ARSG: variants seen among roughly 807,000 people sequenced by gnomAD.
The protein encoded by ARSG is ASG.
In ARSG, 37 loss-of-function variants were observed where a neutral mutation model predicts 50.5. That is an observed-to-expected ratio of 0.73 (90% CI 0.56 to 0.96). The LOEUF (loss-of-function observed/expected upper bound fraction) is 0.96, where lower values mean the gene tolerates loss of function less well. ARSG is among the 50% of genes least tolerant of loss of function. The pLI, the probability that ARSG is intolerant of heterozygous loss-of-function variation, is 0.00. For synonymous variants in ARSG, 225 were observed against 254.6 expected, an observed-to-expected ratio of 0.88 and a Z score of 1.11; for missense variants, 629 against 675.3, an observed-to-expected ratio of 0.93 and a Z score of 0.76.
chr17:68,385,575 G>A (rs2080678270), intron 9 of ARSG, among the ~76,000 whole-genome samples: 1 of 124,688 alleles, frequency 8.0e-6, no homozygotes, highest in Non-Finnish European at 1.7e-5. Flanking sequence ...GGGGAGGGGA[G>A]AGGAGGGGAG....
intron 8 of ARSG, among the ~76,000 whole-genome samples, chr17:68,372,794 G>T (rs999132224): frequency 6.6e-6 from 1 of 151,360 alleles, no homozygotes; most frequent in Non-Finnish European, 1.5e-5. Context: ...TCCCGTCATC[G>T]TATTAGTCTG....
chr17:68,342,481 G>A (rs1785281488), intron 2 of ARSG, among the ~76,000 whole-genome samples: 2 of 151,526 alleles, frequency 1.3e-5, no homozygotes, highest in Non-Finnish European at 2.9e-5. Context: ...GGCCTCCCAA[G>A]TAGCTGGGGT....
chr17:68,322,569 A>T (rs2077332545), intron 2 of ARSG, among the ~76,000 whole-genome samples: 1 of 152,128 alleles, frequency 6.6e-6, no homozygotes, highest in African/African-American at 2.4e-5. Flanking sequence ...GTGCGCCAAG[A>T]TTGTGCCACT....
chr17:68,355,721 C>A (rs915501203), intron 5 of ARSG, among the ~76,000 whole-genome samples: 1 of 151,432 alleles, frequency 6.6e-6, no homozygotes, highest in South Asian at 2.1e-4. Context: ...GGATTACAGG[C>A]GTGAGCCACG....
At chr17:68,433,822 G>A in the ARSG span, among the ~76,000 whole-genome samples, 9 of 117,452 alleles carry the variant, frequency 7.7e-5, no homozygotes, top group East Asian at 2.6e-3. Context: ...TCGCTCTGTT[G>A]CCCAGGCTGG....
At chr17:68,391,170 T>A in intron 9 of ARSG, among the ~76,000 whole-genome samples, 1 of 152,110 alleles carries the variant, frequency 6.6e-6, no homozygotes, top group Non-Finnish European at 1.5e-5. Context: ...GTAGGGTGGA[T>A]GCTTTCTTCA....
intron 1 of ARSG, among the ~76,000 whole-genome samples, chr17:68,305,421 ACAGGCCT>A (rs1259013453): frequency 6.6e-6 from 1 of 152,220 alleles, no homozygotes; most frequent in Non-Finnish European, 1.5e-5. Flanking sequence ...GACGAGCAGT[ACAGGCCT>A]CACATGGGCT....
At chr17:68,329,784 A>G (rs1251609547) in intron 2 of ARSG, among the ~76,000 whole-genome samples, 3 of 152,138 alleles carry the variant, frequency 2.0e-5, no homozygotes, top group Non-Finnish European at 4.4e-5. Flanking sequence ...CATATAAAAT[A>G]CTCTAACATT....
At chr17:68,333,215 G>C (rs1043243281) in intron 2 of ARSG, among the ~76,000 whole-genome samples, 1 of 152,202 alleles carries the variant, frequency 6.6e-6, no homozygotes, top group Non-Finnish European at 1.5e-5. Context: ...CCAGCTACTC[G>C]AGAGGCTGAG....
chr17:68,329,655 G>A (rs1012290871), intron 2 of ARSG, among the ~76,000 whole-genome samples: 4 of 152,140 alleles, frequency 2.6e-5, no homozygotes, highest in Admixed American at 1.3e-4. Context: ...TGCTGACTTC[G>A]AATTTGCTTT....
intron 10 of ARSG, among the ~76,000 whole-genome samples, chr17:68,397,380 G>A (rs182644304): frequency 5.9e-5 from 9 of 152,270 alleles, no homozygotes; most frequent in African/African-American, 1.9e-4. Flanking sequence ...AAGAGCACAC[G>A]GGGCTGGCAC....
chr17:68,374,172 A>AG (rs1283033134), intron 8 of ARSG, among the ~76,000 whole-genome samples: 3,233 of 150,630 alleles, frequency 0.021, 150 homozygotes, highest in African/African-American at 0.076. Context: ...AAAAAAAAAA[A>AG]AAAGAAACAA....
At chr17:68,358,924 G>A (rs1243449867) in intron 6 of ARSG, among the ~76,000 whole-genome samples, 3 of 152,170 alleles carry the variant, frequency 2.0e-5, no homozygotes, top group Non-Finnish European at 4.4e-5. Context: ...AGCACTTTGG[G>A]AGGCTGAGGC....
Position 68,347,061 on chromosome 17 carries a change from C to A in ARSG, c.407-64C>A, listed in dbSNP as rs1013360644. On this transcript the variant is annotated intron_variant, in intron 3 of 11. Transcript: ENST00000621439. ...TGGAGAGCTGAGTGTGTGATCAGCT[C>A]CTCAGGGGGCTGTGGTACCCCTATG... The A allele has an allele frequency of 6.3e-6, 10 of 1,588,774 alleles. No homozygotes were observed. In the Admixed American group the frequency reaches 1.0e-4, roughly 16 times the overall value.
At chr17:68,301,008 C>G (rs1266653553) in intron 1 of ARSG, among the ~76,000 whole-genome samples, 1 of 151,822 alleles carries the variant, frequency 6.6e-6, no homozygotes, top group Non-Finnish European at 1.5e-5. Flanking sequence ...GTCCCAGCTA[C>G]TCGGGAGGCT....
At chr17:68,339,497 A>T (rs2078176534) in intron 2 of ARSG, among the ~76,000 whole-genome samples, 1 of 152,154 alleles carries the variant, frequency 6.6e-6, no homozygotes, top group Non-Finnish European at 1.5e-5. Flanking sequence ...CCAATCAAGG[A>T]TCACATGTTA....
the ARSG span, among the ~76,000 whole-genome samples, chr17:68,434,233 C>T: frequency 9.2e-5 from 14 of 152,166 alleles, no homozygotes; most frequent in Non-Finnish European, 1.6e-4. Context: ...CACTTTACAT[C>T]GTCCTTTATT....
At chr17:68,404,464 T>C (rs1020669341) in intron 11 of ARSG, among the ~76,000 whole-genome samples, 4 of 152,216 alleles carry the variant, frequency 2.6e-5, no homozygotes, top group Admixed American at 2.6e-4. Flanking sequence ...GTGAATTCCA[T>C]TGATTCTTTT....
At chr17:68,435,206 CAA>C in the ARSG span, among the ~76,000 whole-genome samples, 3 of 139,198 alleles carry the variant, frequency 2.2e-5, no homozygotes, top group African/African-American at 2.7e-5. Context: ...GACTCCACCT[CAA>C]AAAAAAAAAA....
Sources: gnomAD v4.1 joint callset for allele counts (sites outside exome capture counted in the v4.1 genomes callset) on GRCh38, gnomAD v4.1.1 for gene constraint, MANE v1.5 for transcripts, NCBI Gene and HGNC (gene_info 2026-07-23, HGNC 2026-07-21) for gene names.